FERMT1: variants seen among roughly 807,000 people sequenced by gnomAD.
The protein encoded by FERMT1 is FERM domain containing kindlin 1.
A neutral mutation model predicts 85.3 loss-of-function variants in FERMT1; 60 were observed. The observed-to-expected ratio is 0.70, with a 90% CI of 0.57 to 0.87. FERMT1 has a LOEUF of 0.87. Ranked by LOEUF, FERMT1 falls within the 40% of genes least tolerant of loss-of-function variation. The probability of loss-of-function intolerance (pLI) is 0.00; values close to 1 mark genes in which losing one functional copy is unlikely to be tolerated. For missense variants in FERMT1, 701 were observed against 818.9 expected (o/e 0.86, Z 1.76); for synonymous variants, 275 against 301.1 (o/e 0.91, Z 0.90).
At chr20:6,120,710 G>A (rs1302416808) in intron 1 of FERMT1, among the ~76,000 whole-genome samples, 1 of 152,110 alleles carries the variant, frequency 6.6e-6, no homozygotes, top group East Asian at 1.9e-4. Context: ...AAACATCAAT[G>A]CACTCAAACT....
intron 3 of FERMT1, among the ~76,000 whole-genome samples, chr20:6,115,543 G>T (rs932753571): frequency 1.3e-5 from 2 of 152,148 alleles, no homozygotes; most frequent in Non-Finnish European, 2.9e-5. Context: ...ATTTTGGGGG[G>T]CAATCTTAGT....
intron 11 of FERMT1, among the ~76,000 whole-genome samples, chr20:6,086,181 T>C (rs1982179982): frequency 5.3e-5 from 8 of 150,876 alleles, no homozygotes; most frequent in Admixed American, 4.6e-4. Context: ...AGAAGTGCCA[T>C]GGGGCACAGA....
intron 14 of FERMT1, 140 bp downstream of exon 14, chr20:6,079,296 T>C (rs1487671466): frequency 5.3e-6 from 5 of 949,412 alleles, no homozygotes; most frequent in Non-Finnish European, 8.4e-6. Context: ...ATGATGATTT[T>C]AGCAGACAGA....
At chr20:6,101,814 C>T (rs1450513934) in intron 6 of FERMT1, among the ~76,000 whole-genome samples, 2 of 151,898 alleles carry the variant, frequency 1.3e-5, no homozygotes, top group African/African-American at 2.4e-5. Context: ...CTCCATGCTC[C>T]GCTAATTTTT....
At chr20:6,086,515 A>G (rs1982191554) in intron 11 of FERMT1, among the ~76,000 whole-genome samples, 1 of 152,192 alleles carries the variant, frequency 6.6e-6, no homozygotes, top group Non-Finnish European at 1.5e-5. Context: ...ACAGTGGGTG[A>G]GGAACGTTGA....
rs140896185 is a variant in FERMT1, at chr20:6,093,305, C to T, written c.1139+1634G>A. ...CTTTCCATGAACTATATTATATATT[C>T]AATGCAACATCTTGAGACCTTAGAT... On this transcript the variant is annotated intron_variant, in intron 9 of 14. Coordinates refer to ENST00000217289, the MANE Select transcript of FERMT1 (RefSeq NM_017671.5). Among the ~76,000 whole-genome samples the T allele has an allele frequency of 5.9e-5, 9 of 152,200 alleles. No individual in the cohort carries two copies. In the East Asian group the frequency reaches 1.7e-3, roughly 29 times the overall value.
At chr20:6,088,168 T>C (rs1433667006) in intron 10 of FERMT1, among the ~76,000 whole-genome samples, 4 of 152,218 alleles carry the variant, frequency 2.6e-5, no homozygotes, top group African/African-American at 9.6e-5. Flanking sequence ...GAAAAAATTG[T>C]GGATATGAAC....
chr20:6,115,741 T>G, intron 3 of FERMT1, 70 bp downstream of exon 3: 1 of 1,128,686 alleles, frequency 8.9e-7, no homozygotes, highest in Non-Finnish European at 1.4e-6. Context: ...GTAGGCAGAA[T>G]GCACACATAA....
rs750308235 is a variant in FERMT1, at chr20:6,089,051, C to G, written c.1178G>C (p.Trp393Ser). The G allele has an allele frequency of 1.9e-6, 3 of 1,611,954 alleles. No individual in the cohort carries two copies. Among genetic ancestry groups the G allele is most frequent in the Non-Finnish European group, 1.7e-6 (2 of 1,178,562 alleles). Residue 393 changes from tryptophan (W) to serine (S), a missense_variant, in exon 10 of 15, where the codon TGG becomes TCG. Transcript: ENST00000217289. Reference sequence around the variant, plus strand: ...TATGGATGTGTCTTTAAAGATAAACCAATATTGTTTGAAAGCTTTTGGTAG... The same window carrying G: ...TATGGATGTGTCTTTAAAGATAAACGAATATTGTTTGAAAGCTTTTGGTAG... ...KLLPKAFKQY[W>S]FIFKDTSIAY... is the part of the protein sequence containing the mutation.
chr20:6,113,449 C>G (rs1271179301), intron 3 of FERMT1, among the ~76,000 whole-genome samples: 1 of 152,096 alleles, frequency 6.6e-6, no homozygotes, highest in Non-Finnish European at 1.5e-5. Flanking sequence ...TTATAGATCA[C>G]AGATCTTGAA....
intron 14 of FERMT1, among the ~76,000 whole-genome samples, chr20:6,078,091 A>T (rs1343579786): frequency 6.6e-6 from 1 of 152,192 alleles, no homozygotes; most frequent in Admixed American, 6.5e-5. Flanking sequence ...AGACTTAGAG[A>T]CTTTGCTGGT....
At chr20:6,114,074 C>G (rs1983034044) in intron 3 of FERMT1, among the ~76,000 whole-genome samples, 4 of 152,174 alleles carry the variant, frequency 2.6e-5, no homozygotes, top group Admixed American at 6.5e-5. Flanking sequence ...CCATTAAGTT[C>G]TCTCATCATT....
chr20:6,118,119 G>A (rs1028682335), intron 2 of FERMT1, among the ~76,000 whole-genome samples: 1 of 152,170 alleles, frequency 6.6e-6, no homozygotes, highest in African/African-American at 2.4e-5. Flanking sequence ...GTAAGTGCAT[G>A]AAAATGTAAA....
chr20:6,119,386 A>G lies in FERMT1; in HGVS notation c.151+18T>C, dbSNP rs781414289. 1 of 1,613,530 alleles carries G rather than the reference A, an allele frequency of 6.2e-7. No individual in the cohort carries two copies. Among genetic ancestry groups the G allele is most frequent in the South Asian group, 1.1e-5 (1 of 91,072 alleles). On this transcript the variant is annotated intron_variant, in intron 2 of 14. Transcript: ENST00000217289. ...AGGGTTTCTAATACAGAGAAACCGT[A>G]AAGCAAGAGTAACTTACTGATCTGT...
chr20:6,083,964 T>G, intron 13 of FERMT1, 76 bp downstream of exon 13: 1 of 1,546,928 alleles, frequency 6.5e-7, no homozygotes. Flanking sequence ...CTATGCTAAA[T>G]GAGAAAACTG....
At chr20:6,109,902 C>CAA (rs11436082) in intron 5 of FERMT1, among the ~76,000 whole-genome samples, 28,957 of 123,232 alleles carry the variant, frequency 0.23, 3,850 homozygotes, top group East Asian at 0.47. Context: ...AACTCCATCT[C>CAA]AAAAAAAAAA....
At chr20:6,079,667 G>A (rs1981939966) in intron 13 of FERMT1, 90 bp from the exon 14 acceptor site, 4 of 1,234,082 alleles carry the variant, frequency 3.2e-6, no homozygotes, top group Admixed American at 3.8e-5. Context: ...AATACTACCA[G>A]TATTTCTGAA....
chr20:6,110,661 C>T (rs1294048633), intron 4 of FERMT1, 150 bp from the exon 5 acceptor site: 10 of 698,264 alleles, frequency 1.4e-5, no homozygotes, highest in Admixed American at 6.5e-5. Flanking sequence ...CACTGTGGCC[C>T]GCGTCTATAA....
rs1488051189 is a variant in FERMT1, at chr20:6,107,566, A to G, written c.815T>C (p.Phe272Ser). 1 of 1,612,892 alleles carries G rather than the reference A, an allele frequency of 6.2e-7. No individual in the cohort carries two copies. The highest frequency in any genetic ancestry group is 2.2e-5 in the East Asian group (1 of 44,830). ...CAAGTCGAAGAAAGAATAATATTTA[A>G]ATCGTAAGAGCAGCTGCTCATCCTC... is the stretch of plus-strand genomic sequence containing the variant. ...IQEDEQLLLRFKYYSFFDLNP... is the reference protein window; with the variant it reads ...IQEDEQLLLRSKYYSFFDLNP... Residue 272 changes from phenylalanine to serine, a missense_variant, in exon 6 of 15, where the codon TTT (phenylalanine) becomes TCT (serine). Transcript: ENST00000217289.
Sources: allele counts gnomAD v4.1 joint callset (sites outside exome capture counted in the v4.1 genomes callset), GRCh38; gene constraint gnomAD v4.1.1; transcripts MANE v1.5; gene names NCBI Gene and HGNC (gene_info 2026-07-23, HGNC 2026-07-21).